CADPS: variants seen among roughly 807,000 people sequenced by gnomAD.
The protein encoded by CADPS is calcium dependent secretion activator.
Under a neutral mutation model 167.3 loss-of-function variants are expected in CADPS, and 57 were observed. That is an observed-to-expected ratio of 0.34 (90% CI 0.28 to 0.42). The LOEUF is 0.42. Ranked by LOEUF, CADPS falls within the 20% of genes least tolerant of loss-of-function variation. The pLI, the probability that CADPS is intolerant of heterozygous loss-of-function variation, is 1.00. For synonymous variants in CADPS, 676 were observed against 635.3 expected (o/e 1.06, Z -0.96); for missense variants, 1,414 against 1,738.1 (o/e 0.81, Z 3.32).
At chr3:62,505,703 G>C (rs1167290740) in intron 17 of CADPS, among the ~76,000 whole-genome samples, 7 of 152,194 alleles carry the variant, frequency 4.6e-5, no homozygotes, top group Non-Finnish European at 1.0e-4. Flanking sequence ...CATAACAAGA[G>C]AGTGCCATCA....
At chr3:62,592,571 G>A in intron 7 of CADPS, 66 bp downstream of exon 7, 2 of 1,204,892 alleles carry the variant, frequency 1.7e-6, no homozygotes, top group South Asian at 2.5e-5. Context: ...TTGGTGACCT[G>A]TGCACTGGAG....
At chr3:62,672,236 C>T (rs116419160) in intron 3 of CADPS, among the ~76,000 whole-genome samples, 3 of 152,086 alleles carry the variant, frequency 2.0e-5, no homozygotes, top group African/African-American at 4.8e-5. Flanking sequence ...AGTTTTGATT[C>T]AGCAGGCTTG....
chr3:62,844,488 C>T (rs1226312033), intron 1 of CADPS, among the ~76,000 whole-genome samples: 1 of 152,154 alleles, frequency 6.6e-6, no homozygotes, highest in Non-Finnish European at 1.5e-5. Flanking sequence ...TTTCCTTTTA[C>T]ACTTTACTGA....
At position 62,399,023 on chromosome 3, in the gene CADPS, C is replaced by T. The variant is rs187002066; in HGVS notation, c.*383G>A. On this transcript the variant is annotated 3_prime_UTR_variant, in exon 30 of 30. Transcript: ENST00000383710. The surrounding 1 kb of genome is among the most constrained non-coding windows in gnomAD (Gnocchi z 5.6). ...CATTTAATTAACTGGCATCCACATACGTGAAACAGAGTGAATGTACTTGAT... is the reference window on the plus strand; with the variant it reads ...CATTTAATTAACTGGCATCCACATATGTGAAACAGAGTGAATGTACTTGAT... The T allele has an allele frequency of 1.6e-3, 253 of 159,464 alleles. 2 individuals carry two copies. Among genetic ancestry groups the T allele is most frequent in the Non-Finnish European group, 2.9e-3 (209 of 72,524 alleles). 9.9% of individuals were successfully genotyped at this position (159,464 alleles called of 1,614,324 possible).
chr3:62,805,347 A>G (rs2094025351), intron 1 of CADPS, among the ~76,000 whole-genome samples: 1 of 152,154 alleles, frequency 6.6e-6, no homozygotes, highest in Admixed American at 6.6e-5. Context: ...TATTAACCTT[A>G]TCTCCCTTTG....
intron 3 of CADPS, among the ~76,000 whole-genome samples, chr3:62,741,724 T>G (rs1356188753): frequency 1.3e-5 from 2 of 152,148 alleles, no homozygotes; most frequent in Non-Finnish European, 2.9e-5. Context: ...AAGACAAGGA[T>G]GCCCTCTCTC....
At position 62,649,543 on chromosome 3, in the gene CADPS, C is replaced by CTTTTTTTTT. The variant is rs369874258; in HGVS notation, c.1203+1295_1203+1303dup. ...TCAAGGGAATCATACAATATGTGGT[C>CTTTTTTTTT]TTTTTTTTTTTTTTTTTTTTTTTTT... On this transcript the variant is annotated intron_variant, in intron 5 of 29. Transcript: ENST00000383710. Among the ~76,000 whole-genome samples the CTTTTTTTTT allele has an allele frequency of 1.2e-3, 44 of 37,804 alleles. 6 individuals carry two copies. The highest frequency in any genetic ancestry group is 3.6e-3 in the African/African-American group (32 of 9,012). 24.8% of individuals were successfully genotyped at this position (37,804 alleles called of 152,430 possible). A position where few individuals can be genotyped will look rare whatever the true frequency, so the allele number is the denominator to read the frequency against.
intron 6 of CADPS, among the ~76,000 whole-genome samples, chr3:62,631,029 A>T (rs2065170493): frequency 6.6e-6 from 1 of 152,138 alleles, no homozygotes; most frequent in Non-Finnish European, 1.5e-5. Context: ...ATTTTTAAAA[A>T]GAGACAATAA....
rs549615139 is a variant in CADPS, at chr3:62,631,341, G to A, written c.1325+14381C>T. ...AATATGGCTTTGGTGCCCTGATCAC[G>A]GATGGATTTTTAAAAATTAGGAAGA... On this transcript the variant is annotated intron_variant, in intron 6 of 29. Coordinates refer to ENST00000383710, the MANE Select transcript of CADPS (RefSeq NM_003716.4). 3.6e-4 allele frequency among the ~76,000 whole-genome samples: 54 copies of A among 152,108 alleles called. 1 individual carries two copies. Among genetic ancestry groups the A allele is most frequent in the South Asian group, 1.2e-3 (6 of 4,818 alleles).
chr3:62,514,042 A>G lies in CADPS; in HGVS notation c.2582-1274T>C, dbSNP rs1290377118. 6.6e-6 allele frequency among the ~76,000 whole-genome samples: 1 copy of G among 152,118 alleles called. No homozygotes were observed. The highest frequency in any genetic ancestry group is 2.4e-5 in the African/African-American group (1 of 41,444). ...GATACTAAGGATTTAAGACTTTAGT[A>G]TCTAAGGCTCTTGAGGTATTTCTTC... On this transcript the variant is annotated intron_variant, in intron 16 of 29. Coordinates refer to ENST00000383710, the MANE Select transcript of CADPS (RefSeq NM_003716.4). This position sits in a 1 kb window ranked among gnomAD's most constrained non-coding sequence, Gnocchi z 4.2.
chr3:62,832,640 G>A (rs1021915061), intron 1 of CADPS, among the ~76,000 whole-genome samples: 11 of 152,228 alleles, frequency 7.2e-5, no homozygotes, highest in African/African-American at 2.7e-4. Flanking sequence ...GGAGAGCAGA[G>A]AAGAATCTAT....
chr3:62,858,521 G>A (rs1018169684), intron 1 of CADPS, among the ~76,000 whole-genome samples: 1 of 152,032 alleles, frequency 6.6e-6, no homozygotes, highest in Non-Finnish European at 1.5e-5. Context: ...TTCTAAAGCT[G>A]GGAATGGGGT....
In CADPS at chr3:62,659,292, T is replaced by C. The variant is rs372132663; in HGVS notation, c.969+3022A>G. Among the ~76,000 whole-genome samples, 5 of 152,266 alleles carry C rather than the reference T, an allele frequency of 3.3e-5. No individual in the cohort carries two copies. In the East Asian group the frequency reaches 9.7e-4, roughly 29 times the overall value. On this transcript the variant is annotated intron_variant, in intron 4 of 29. Coordinates refer to ENST00000383710, the MANE Select transcript of CADPS (RefSeq NM_003716.4). Reference sequence around the variant, plus strand: ...TAAGCAGAGGTGATTTGTCTTAATATCTCTTCATGAACTAGCCAATATCCG... The same window carrying C: ...TAAGCAGAGGTGATTTGTCTTAATACCTCTTCATGAACTAGCCAATATCCG...
intron 3 of CADPS, among the ~76,000 whole-genome samples, chr3:62,699,305 G>T (rs1285854093): frequency 2.6e-5 from 4 of 151,980 alleles, no homozygotes; most frequent in Non-Finnish European, 5.9e-5. Flanking sequence ...CCAAAGTGCT[G>T]GGATTACCGG....
At chr3:62,480,220 A>G (rs1451469494) in intron 22 of CADPS, among the ~76,000 whole-genome samples, 1 of 152,232 alleles carries the variant, frequency 6.6e-6, no homozygotes, top group Admixed American at 6.5e-5. Context: ...GCCTTAATTA[A>G]TTGAACGGAG....
At chr3:62,748,166 T>C (rs1423260111) in intron 3 of CADPS, among the ~76,000 whole-genome samples, 515 of 9,054 alleles carry the variant, frequency 0.057, 7 homozygotes, top group South Asian at 0.17. Flanking sequence ...CTACTAAAAT[T>C]ACAAAAAAAA....
At chr3:62,622,849 C>A (rs563744450) in intron 6 of CADPS, among the ~76,000 whole-genome samples, 172 of 152,300 alleles carry the variant, frequency 1.1e-3, no homozygotes, top group Non-Finnish European at 2.3e-3. Flanking sequence ...TCAGCCACAG[C>A]GCATTTTTAA....
At chr3:62,469,306 T>C (rs943004912) in intron 24 of CADPS, among the ~76,000 whole-genome samples, 1 of 152,208 alleles carries the variant, frequency 6.6e-6, no homozygotes, top group African/African-American at 2.4e-5. Context: ...GTACTCTGCT[T>C]TCACTCCTTG....
At chr3:62,722,680 C>T (rs1292787727) in intron 3 of CADPS, among the ~76,000 whole-genome samples, 1 of 152,216 alleles carries the variant, frequency 6.6e-6, no homozygotes, top group Non-Finnish European at 1.5e-5. Context: ...AAAAGTATGA[C>T]CCAATAGTTT....
Sources: allele counts gnomAD v4.1 joint callset (sites outside exome capture counted in the v4.1 genomes callset), GRCh38; gene constraint gnomAD v4.1.1; non-coding constraint Gnocchi (gnomAD v3.1); transcripts MANE v1.5; gene names NCBI Gene and HGNC (gene_info 2026-07-23, HGNC 2026-07-21).